The following PHYHIPL variants were observed in gnomAD, a reference collection of about 807,000 sequenced individuals.
The protein encoded by PHYHIPL is phytanoyl-CoA 2-hydroxylase interacting protein like.
A neutral mutation model predicts 33.4 loss-of-function variants in PHYHIPL; 9 were observed. The ratio of observed to expected loss-of-function variants is 0.27; its 90% confidence interval spans 0.16 to 0.47. The LOEUF (loss-of-function observed/expected upper bound fraction) is 0.47, where lower values mean the gene tolerates loss of function less well. Ranked by LOEUF, PHYHIPL falls within the 20% of genes least tolerant of loss-of-function variation. The pLI, the probability that PHYHIPL is intolerant of heterozygous loss-of-function variation, is 0.99. For missense variants in PHYHIPL, 365 were observed against 460.7 expected (o/e 0.79, Z 1.90); for synonymous variants, 153 against 154.1 (o/e 0.99, Z 0.05).
chr10:59,242,244 C>T (rs971515751), intron 4 of PHYHIPL, among the ~76,000 whole-genome samples: 1 of 152,158 alleles, frequency 6.6e-6, no homozygotes, highest in Non-Finnish European at 1.5e-5. Context: ...CACCCCTTCT[C>T]TCTCTGATCT....
At chr10:59,214,956 T>A (rs2133246727) in intron 1 of PHYHIPL, among the ~76,000 whole-genome samples, 1 of 152,080 alleles carries the variant, frequency 6.6e-6, no homozygotes, top group Admixed American at 6.6e-5. Flanking sequence ...AAACTGACAG[T>A]GATGATGAAT....
chr10:59,221,041 A>G (rs75965554), intron 1 of PHYHIPL, among the ~76,000 whole-genome samples: 2,426 of 152,188 alleles, frequency 0.016, 73 homozygotes, highest in African/African-American at 0.054. Context: ...GTTAACTAAG[A>G]AACCTTTTAT....
chr10:59,198,907 AT>A (rs1425005004), intron 1 of PHYHIPL, among the ~76,000 whole-genome samples: 1 of 151,496 alleles, frequency 6.6e-6, no homozygotes, highest in African/African-American at 2.4e-5. Flanking sequence ...GGTTTGTTTG[AT>A]TTTTTTCTTG....
chr10:59,173,921 G>GTTTTTTTTTTTTTTTTTTTTTTTT (rs368316005), upstream of PHYHIPL, among the ~76,000 whole-genome samples: 3 of 57,528 alleles, frequency 5.2e-5, 1 homozygote, highest in African/African-American at 1.7e-4. Flanking sequence ...TACTTCTGAG[G>GTTTTTTTTTTTTTTTTTTTTTTTT]TTTTTTTTTT....
intron 1 of PHYHIPL, among the ~76,000 whole-genome samples, chr10:59,196,308 AT>A (rs766215480): frequency 6.6e-6 from 1 of 151,348 alleles, no homozygotes; most frequent in South Asian, 2.1e-4. Flanking sequence ...GTATTTTATA[AT>A]TTTAAATTGC....
chr10:59,234,631 A>T (rs1050296990), intron 2 of PHYHIPL, 131 bp downstream of exon 2: 7 of 545,270 alleles, frequency 1.3e-5, no homozygotes, highest in Admixed American at 4.3e-5. Context: ...AATAAAGATT[A>T]TATGTAACTC....
chr10:59,239,178 G>A (rs1304354655), intron 4 of PHYHIPL, among the ~76,000 whole-genome samples: 5 of 151,826 alleles, frequency 3.3e-5, no homozygotes, highest in African/African-American at 1.2e-4. Context: ...GTGTTTTTCA[G>A]GCTGCTGATA....
At chr10:59,203,265 C>T (rs867004842) in intron 1 of PHYHIPL, among the ~76,000 whole-genome samples, 1 of 152,192 alleles carries the variant, frequency 6.6e-6, no homozygotes, top group Non-Finnish European at 1.5e-5. Context: ...AGCCAGGAAA[C>T]AACAGGTGCT....
intron 1 of PHYHIPL, among the ~76,000 whole-genome samples, chr10:59,182,649 A>G (rs970963252): frequency 1.3e-5 from 2 of 152,144 alleles, no homozygotes; most frequent in Non-Finnish European, 2.9e-5. Flanking sequence ...ACTATATTTT[A>G]TATACATACA....
intron 1 of PHYHIPL, chr10:59,177,361 A>C: frequency 9.6e-7 from 1 of 1,039,404 alleles, no homozygotes; most frequent in South Asian, 1.8e-5. Context: ...TTCCCCCAAC[A>C]CACACACACT....
At chr10:59,191,159 T>G (rs1260441923) in intron 1 of PHYHIPL, among the ~76,000 whole-genome samples, 1 of 151,978 alleles carries the variant, frequency 6.6e-6, no homozygotes, top group Non-Finnish European at 1.5e-5. Flanking sequence ...TTTCTGAATT[T>G]ACCTAGTTAA....
chr10:59,209,452 CGGT>C (rs1179671466), intron 1 of PHYHIPL, among the ~76,000 whole-genome samples: 1 of 152,138 alleles, frequency 6.6e-6, no homozygotes, highest in Non-Finnish European at 1.5e-5. Flanking sequence ...AGGGAGCAAC[CGGT>C]ACCAGCCACT....
intron 1 of PHYHIPL, among the ~76,000 whole-genome samples, chr10:59,190,794 C>T (rs922466742): frequency 2.6e-5 from 4 of 151,594 alleles, no homozygotes; most frequent in African/African-American, 9.7e-5. Flanking sequence ...ATATTTATAC[C>T]TTGATTCAGG....
intron 1 of PHYHIPL, among the ~76,000 whole-genome samples, chr10:59,181,525 G>A (rs189573927): frequency 3.4e-4 from 52 of 151,988 alleles, no homozygotes; most frequent in African/African-American, 1.2e-3. Context: ...TTTTCATGTG[G>A]CTTGTAACCT....
chr10:59,173,921 G>GTTTTTTTTTTGT (rs1838206647), upstream of PHYHIPL, among the ~76,000 whole-genome samples: 1 of 57,528 alleles, frequency 1.7e-5, no homozygotes, highest in Non-Finnish European at 3.8e-5. Flanking sequence ...TACTTCTGAG[G>GTTTTTTTTTTGT]TTTTTTTTTT....
chr10:59,229,146 G>A (rs1840008155), intron 1 of PHYHIPL, among the ~76,000 whole-genome samples: 1 of 152,100 alleles, frequency 6.6e-6, no homozygotes, highest in Non-Finnish European at 1.5e-5. Context: ...CAGTAATCTT[G>A]AAAGCCAAGT....
chr10:59,227,849 T>G (rs1313792806), intron 1 of PHYHIPL, among the ~76,000 whole-genome samples: 1 of 152,122 alleles, frequency 6.6e-6, no homozygotes, highest in Non-Finnish European at 1.5e-5. Context: ...CTAAAACATT[T>G]ATTGCTTCAT....
chr10:59,213,045 A>G (rs1481854923), intron 1 of PHYHIPL, among the ~76,000 whole-genome samples: 2 of 152,214 alleles, frequency 1.3e-5, no homozygotes, highest in Non-Finnish European at 2.9e-5. Flanking sequence ...TAAATTTTAT[A>G]AATTAATTGG....
upstream of PHYHIPL, among the ~76,000 whole-genome samples, chr10:59,174,788 G>A (rs1013195541): frequency 2.6e-5 from 4 of 152,046 alleles, no homozygotes; most frequent in East Asian, 1.9e-4. Flanking sequence ...TATAAACCTC[G>A]TGCGTGCTTC....
Sources: allele counts gnomAD v4.1 joint callset (sites outside exome capture counted in the v4.1 genomes callset), GRCh38; gene constraint gnomAD v4.1.1; transcripts MANE v1.5; gene names NCBI Gene and HGNC (gene_info 2026-07-23, HGNC 2026-07-21).